SPTLC3: variants seen among roughly 807,000 people sequenced by gnomAD.
SPTLC3 encodes the protein serine palmitoyltransferase long chain base subunit 3, also known as serine palmitoyltransferase 3.
A neutral mutation model predicts 59.3 loss-of-function variants in SPTLC3; 36 were observed. The ratio of observed to expected loss-of-function variants is 0.61; its 90% CI spans 0.47 to 0.80. SPTLC3 has a LOEUF of 0.80. Among genes scored for constraint, SPTLC3 ranks in the 30% least tolerant of loss-of-function variants. The probability of loss-of-function intolerance (pLI) is 0.00; values close to 1 mark genes in which losing one functional copy is unlikely to be tolerated. For synonymous variants in SPTLC3, 257 were observed against 240.8 expected, an observed-to-expected ratio of 1.07 and a Z score of -0.62; for missense variants, 625 against 685.1, an observed-to-expected ratio of 0.91 and a Z score of 0.98.
intron 2 of SPTLC3, among the ~76,000 whole-genome samples, chr20:13,065,894 A>G: frequency 6.7e-6 from 1 of 149,168 alleles, no homozygotes; most frequent in Non-Finnish European, 1.5e-5. Flanking sequence ...ATCATTTCAC[A>G]TAGTTACCAT....
chr20:13,053,231 C>T (rs1328975042), intron 2 of SPTLC3, among the ~76,000 whole-genome samples: 1 of 152,154 alleles, frequency 6.6e-6, no homozygotes, highest in Non-Finnish European at 1.5e-5. Context: ...GCAGCCTCCG[C>T]TGGTGATACC....
In SPTLC3 at chr20:13,149,441, G is replaced by A. The variant is rs140491143; in HGVS notation, c.1280-4562G>A. 1.2e-4 allele frequency among the ~76,000 whole-genome samples: 19 copies of A among 152,326 alleles called. No homozygotes were observed. The East Asian group carries it at 2.7e-3, about 22-fold the overall frequency. ...TTTGCATCCTGTTTAGATGAGTAGC[G>A]TTTTATAGGTACAAATTCCACCTCT... On this transcript the variant is annotated intron_variant, in intron 9 of 11. Transcript: ENST00000399002.
At chr20:13,031,944 G>A (rs995743633) in intron 1 of SPTLC3, among the ~76,000 whole-genome samples, 1 of 152,100 alleles carries the variant, frequency 6.6e-6, no homozygotes, top group African/African-American at 2.4e-5. Flanking sequence ...TAATGTCCTT[G>A]TGTCTCTCTT....
At chr20:13,145,918 C>CTG (rs2038499465) in intron 9 of SPTLC3, among the ~76,000 whole-genome samples, 2 of 152,128 alleles carry the variant, frequency 1.3e-5, no homozygotes, top group African/African-American at 4.8e-5. Context: ...AAATAATCAG[C>CTG]ATCATTTATT....
intron 9 of SPTLC3, 27 bp from the exon 10 acceptor site, chr20:13,153,976 A>G: frequency 1.2e-6 from 2 of 1,610,726 alleles, no homozygotes; most frequent in South Asian, 1.1e-5. Context: ...GTGGGAATTG[A>G]TGGATTTCAC....
chr20:13,084,178 C>G (rs34167869), intron 4 of SPTLC3, among the ~76,000 whole-genome samples: 2 of 151,974 alleles, frequency 1.3e-5, no homozygotes, highest in African/African-American at 2.4e-5. Flanking sequence ...TGCTTTGGAC[C>G]CTGTATCATG....
At chr20:13,047,557 G>T (rs1347303381) in intron 1 of SPTLC3, among the ~76,000 whole-genome samples, 1 of 151,992 alleles carries the variant, frequency 6.6e-6, no homozygotes, top group Non-Finnish European at 1.5e-5. Context: ...TTTATTGAAT[G>T]AAATAATAAA....
chr20:13,105,700 C>G (rs188184673), intron 6 of SPTLC3, among the ~76,000 whole-genome samples: 1 of 152,122 alleles, frequency 6.6e-6, no homozygotes. Flanking sequence ...ATTCCAGTGT[C>G]GTCGGAGCCA....
At chr20:13,042,206 T>C (rs2122475194) in intron 1 of SPTLC3, among the ~76,000 whole-genome samples, 1 of 152,324 alleles carries the variant, frequency 6.6e-6, no homozygotes, top group East Asian at 1.9e-4. Flanking sequence ...GTTACCAGTC[T>C]CTTCTAAAGT....
chr20:13,020,037 T>G (rs1309328196), intron 1 of SPTLC3, among the ~76,000 whole-genome samples: 1 of 152,156 alleles, frequency 6.6e-6, no homozygotes, highest in Admixed American at 6.5e-5. Context: ...GGCTCTGAAA[T>G]TTTGTATAAA....
intron 8 of SPTLC3, among the ~76,000 whole-genome samples, chr20:13,124,063 G>T (rs2037930313): frequency 6.6e-6 from 1 of 152,208 alleles, no homozygotes; most frequent in African/African-American, 2.4e-5. Flanking sequence ...CCCTGTGGCT[G>T]ATGAATTCAG....
At chr20:13,072,493 A>G in intron 3 of SPTLC3, 83 bp downstream of exon 3, 1 of 1,384,300 alleles carries the variant, frequency 7.2e-7, no homozygotes. Context: ...GACAAATCCA[A>G]AAAAACAAGG....
intron 2 of SPTLC3, 100 bp from the exon 3 acceptor site, chr20:13,072,153 GTGT>G (rs1988462630): frequency 5.5e-6 from 7 of 1,268,952 alleles, no homozygotes; most frequent in Non-Finnish European, 6.5e-6. Context: ...ATCTGTAGAT[GTGT>G]TATTTCCACA....
At chr20:13,064,256 T>A in intron 2 of SPTLC3, among the ~76,000 whole-genome samples, 1 of 83,394 alleles carries the variant, frequency 1.2e-5, no homozygotes, top group Non-Finnish European at 2.4e-5. Flanking sequence ...AGTTCTTTTT[T>A]TTCTTTTTCC....
chr20:13,102,731 C>T (rs1989647184), intron 6 of SPTLC3, among the ~76,000 whole-genome samples: 1 of 152,178 alleles, frequency 6.6e-6, no homozygotes, highest in Admixed American at 6.5e-5. Flanking sequence ...CATTGAGCCC[C>T]CTCATTTAGA....
intron 9 of SPTLC3, among the ~76,000 whole-genome samples, chr20:13,153,006 T>C (rs1256421937): frequency 6.6e-6 from 1 of 152,214 alleles, no homozygotes; most frequent in Non-Finnish European, 1.5e-5. Flanking sequence ...CCACTCAGAA[T>C]GGAGGTCTGC....
At chr20:13,066,527 G>T (rs1600246404) in intron 2 of SPTLC3, among the ~76,000 whole-genome samples, 1 of 152,294 alleles carries the variant, frequency 6.6e-6, no homozygotes, top group Middle Eastern at 3.4e-3. Context: ...AAGCCTGTGG[G>T]TGTTAACCTT....
chr20:13,052,312 C>T (rs985271204), intron 2 of SPTLC3, among the ~76,000 whole-genome samples: 1 of 152,160 alleles, frequency 6.6e-6, no homozygotes, highest in African/African-American at 2.4e-5. Context: ...CCCTGAGGGA[C>T]TGTGCCACGA....
intron 1 of SPTLC3, among the ~76,000 whole-genome samples, chr20:13,021,119 A>T (rs1195070298): frequency 6.6e-6 from 1 of 152,154 alleles, no homozygotes; most frequent in African/African-American, 2.4e-5. Flanking sequence ...TTAGTGAAAA[A>T]TAATCACTCT....
Sources: allele counts gnomAD v4.1 joint callset (sites outside exome capture counted in the v4.1 genomes callset), GRCh38; gene constraint gnomAD v4.1.1; transcripts MANE v1.5; gene names NCBI Gene and HGNC (gene_info 2026-07-23, HGNC 2026-07-21).